Variants in MYOM2 observed in about 807,000 individuals in gnomAD.
MYOM2 encodes the protein myomesin 2.
In MYOM2, 254 loss-of-function variants were observed where a neutral mutation model predicts 187.6. That is an observed-to-expected ratio of 1.35 (90% CI 1.22 to 1.50). MYOM2 has a LOEUF of 1.50. MYOM2 is among the 40% of genes most tolerant of loss of function. The pLI, the probability that MYOM2 is intolerant of heterozygous loss-of-function variation, is 0.00. For missense variants in MYOM2, 2,796 were observed against 1,924.0 expected (o/e 1.45, Z -8.48); for synonymous variants, 981 against 753.8 (o/e 1.30, Z -4.94).
At chr8:2,130,374 C>G (rs181697220) in intron 32 of MYOM2, among the ~76,000 whole-genome samples, 2 of 120,318 alleles carry the variant, frequency 1.7e-5, no homozygotes, top group Admixed American at 8.8e-5. Context: ...CCCCTCACTA[C>G]GCTATACCCA....
intron 28 of MYOM2, among the ~76,000 whole-genome samples, chr8:2,120,691 TATATA>T (rs1797418098): frequency 1.1e-4 from 11 of 102,864 alleles, no homozygotes; most frequent in East Asian, 2.5e-4. Context: ...TATATATAAA[TATATA>T]ATATATATAT....
chr8:2,087,495 A>G (rs532143192), intron 14 of MYOM2, among the ~76,000 whole-genome samples: 192 of 152,348 alleles, frequency 1.3e-3, no homozygotes, highest in African/African-American at 4.4e-3. Flanking sequence ...TATTTGTGTT[A>G]CGAAAATACA....
At chr8:2,082,216 G>T (rs1379998227) in intron 13 of MYOM2, 1 of 152,046 alleles carries the variant, frequency 6.6e-6, no homozygotes, top group African/African-American at 2.4e-5. Context: ...GTTGATATGG[G>T]GTTTTGGAAA....
At chr8:2,117,728 C>A (rs113980363) in intron 27 of MYOM2, among the ~76,000 whole-genome samples, 157 bp from the exon 28 acceptor site, 3 of 151,996 alleles carry the variant, frequency 2.0e-5, no homozygotes, top group Admixed American at 1.3e-4. Context: ...CTATTGTGTT[C>A]TGCCAAAAAT....
At chr8:2,114,069 C>A (rs1438338015) in intron 25 of MYOM2, among the ~76,000 whole-genome samples, 1 of 152,122 alleles carries the variant, frequency 6.6e-6, no homozygotes, top group Non-Finnish European at 1.5e-5. Context: ...CCAAGCCTCA[C>A]CCGGGGGCAT....
At chr8:2,100,847 CAGA>C in intron 19 of MYOM2, 26 bp from the exon 20 acceptor site, 1 of 1,612,836 alleles carries the variant, frequency 6.2e-7, no homozygotes, top group Non-Finnish European at 8.5e-7. Flanking sequence ...GCTATGCGCG[CAGA>C]AACAAGGTGG....
chr8:2,119,624 C>G (rs1292604986), intron 28 of MYOM2, among the ~76,000 whole-genome samples: 1 of 152,114 alleles, frequency 6.6e-6, no homozygotes, highest in Non-Finnish European at 1.5e-5. Context: ...AGCCCGCTGC[C>G]CTCTGAGGTG....
intron 32 of MYOM2, among the ~76,000 whole-genome samples, chr8:2,130,959 T>C (rs1479953375): frequency 6.6e-6 from 1 of 152,242 alleles, no homozygotes; most frequent in Non-Finnish European, 1.5e-5. Context: ...CAGCATATTG[T>C]CTTGCTGTAA....
intron 32 of MYOM2, among the ~76,000 whole-genome samples, chr8:2,134,952 G>A (rs2116900367): frequency 6.6e-6 from 1 of 152,260 alleles, no homozygotes; most frequent in Admixed American, 6.5e-5. Context: ...ATGCTCTGGA[G>A]ACAGGACTGG....
chr8:2,095,008 C>T (rs931501503), intron 17 of MYOM2, among the ~76,000 whole-genome samples: 2 of 152,142 alleles, frequency 1.3e-5, no homozygotes, highest in African/African-American at 4.8e-5. Context: ...ATGGGACACC[C>T]TTGGATTCAC....
At chr8:2,083,937 A>G (rs1819722122) in intron 13 of MYOM2, among the ~76,000 whole-genome samples, 1 of 152,350 alleles carries the variant, frequency 6.6e-6, no homozygotes, top group African/African-American at 2.4e-5. Flanking sequence ...CAAAGGCAGC[A>G]AGACAGTTCC....
chr8:2,123,418 T>G, intron 29 of MYOM2, 53 bp downstream of exon 29: 1 of 1,513,922 alleles, frequency 6.6e-7, no homozygotes, highest in Admixed American at 1.8e-5. Context: ...CACTTTCAAA[T>G]AACTCGTAAA....
At chr8:2,123,687 A>G (rs1393476046) in intron 30 of MYOM2, 45 bp downstream of exon 30, 1 of 1,539,924 alleles carries the variant, frequency 6.5e-7, no homozygotes, top group Non-Finnish European at 9.0e-7. Context: ...AATTCCTTTC[A>G]CCAACAGGAT....
At chr8:2,073,547 G>A in intron 10 of MYOM2, 47 bp downstream of exon 10, 4 of 1,538,776 alleles carry the variant, frequency 2.6e-6, no homozygotes, top group Non-Finnish European at 3.5e-6. Flanking sequence ...GTGTGCCCGG[G>A]GAGGGGAGGC....
intron 28 of MYOM2, among the ~76,000 whole-genome samples, chr8:2,120,327 G>A (rs7820927): frequency 0.018 from 2,786 of 152,036 alleles, 76 homozygotes; most frequent in African/African-American, 0.063. Flanking sequence ...GATAAATGGA[G>A]AGGAGGCAGG....
chr8:2,100,012 C>T (rs1253394382), intron 19 of MYOM2, among the ~76,000 whole-genome samples: 1 of 126,042 alleles, frequency 7.9e-6, no homozygotes, highest in African/African-American at 3.0e-5. Flanking sequence ...TCCTTCCTTC[C>T]TTTCTTTCCT....
rs117193274 is a variant in MYOM2, at chr8:2,054,630, C to G, written c.263+2317C>G. On this transcript the variant is annotated intron_variant, in intron 3 of 36. Coordinates refer to ENST00000262113, the MANE Select transcript of MYOM2 (RefSeq NM_003970.4). Reference sequence around the variant, plus strand: ...GTTAGAGGATAGTGGTGCTATTGACCTAAGAATAAGCTGAGGCTCTTGTTA... The same window carrying G: ...GTTAGAGGATAGTGGTGCTATTGACGTAAGAATAAGCTGAGGCTCTTGTTA... 1.6e-3 allele frequency among the ~76,000 whole-genome samples: 247 copies of G among 152,252 alleles called. 1 individual carries two copies. The East Asian group carries it at 0.026, about 16-fold the overall frequency.
chr8:2,124,130 T>G, intron 30 of MYOM2, 49 bp from the exon 31 acceptor site: 1 of 1,554,824 alleles, frequency 6.4e-7, no homozygotes, highest in Non-Finnish European at 8.8e-7. Context: ...AATGCTGCTT[T>G]CGGTTAAAGT....
chr8:2,122,434 C>G (rs571447874), intron 28 of MYOM2, among the ~76,000 whole-genome samples: 1 of 152,314 alleles, frequency 6.6e-6, no homozygotes, highest in South Asian at 2.1e-4. Context: ...AGATTCAGTC[C>G]CAGTGCTGTC....
Sources: allele counts gnomAD v4.1 joint callset (sites outside exome capture counted in the v4.1 genomes callset), GRCh38; gene constraint gnomAD v4.1.1; transcripts MANE v1.5; gene names NCBI Gene and HGNC (gene_info 2026-07-23, HGNC 2026-07-21).